ERFL: variants seen among roughly 807,000 people sequenced by gnomAD.
ERFL encodes the protein ETS repressor factor like, also known as ETS domain-containing transcription factor ERF-like.
In ERFL, 8 loss-of-function variants were observed where a neutral mutation model predicts 27.9. The observed-to-expected ratio is 0.29, with a 90% CI of 0.17 to 0.52. The LOEUF (loss-of-function observed/expected upper bound fraction) is 0.52, where lower values mean the gene tolerates loss of function less well. Among genes scored for constraint, ERFL ranks in the 20% least tolerant of loss-of-function variants. ERFL has a pLI of 0.97. For missense variants in ERFL, 294 were observed against 444.4 expected (o/e 0.66, Z 3.04); for synonymous variants, 174 against 202.8 (o/e 0.86, Z 1.21).
chr19:41,912,048 G>A (rs1555851308), intron 2 of ERFL, among the ~76,000 whole-genome samples: 2 of 151,996 alleles, frequency 1.3e-5, no homozygotes, highest in South Asian at 2.1e-4. Flanking sequence ...GCAAGAAACA[G>A]GCAAAGGCTC....
intron 1 of ERFL, among the ~76,000 whole-genome samples, chr19:41,919,109 A>T (rs2074822196): frequency 6.6e-6 from 1 of 151,576 alleles, no homozygotes; most frequent in African/African-American, 2.4e-5. Context: ...CACATAACAC[A>T]CATACCACAC....
At chr19:41,919,712 G>A (rs1275148737) in intron 1 of ERFL, among the ~76,000 whole-genome samples, 1 of 152,040 alleles carries the variant, frequency 6.6e-6, no homozygotes, top group Non-Finnish European at 1.5e-5. Context: ...CAGCTGCCGG[G>A]GTCCTCTCAG....
intron 1 of ERFL, among the ~76,000 whole-genome samples, chr19:41,915,937 C>G (rs373523676): frequency 6.6e-6 from 1 of 152,082 alleles, no homozygotes; most frequent in South Asian, 2.1e-4. Flanking sequence ...CCCCCACCCC[C>G]CTCCCCCCCG....
In ERFL at chr19:41,908,543, A is replaced by T; in HGVS notation, c.750T>A (p.His250Gln). The T allele has an allele frequency of 1.6e-6, 2 of 1,231,646 alleles. No individual in the cohort carries two copies. The highest frequency in any genetic ancestry group is 8.2e-5 in the South Asian group (2 of 24,314). 76.3% of individuals were successfully genotyped at this position (1,231,646 alleles called of 1,614,324 possible). A position where few individuals can be genotyped will look rare whatever the true frequency, so the allele number is the denominator to read the frequency against. The change falls in exon 6 of 6, where the codon CAT (histidine) becomes CAA (glutamine). Residue 250 changes from histidine (H) to glutamine (Q), a missense_variant. Around this residue, in one of 3 missense-constraint regions of ERFL, gnomAD observed 246 missense variants for 371.4 expected, o/e 0.66. Coordinates refer to ENST00000597630, the MANE Select transcript of ERFL (RefSeq NM_001365103.2). This position sits in a 1 kb window ranked among gnomAD's most constrained non-coding sequence, Gnocchi z 6.7. Reference sequence around the variant, plus strand: ...AACTGGCCAGAGGGTTGGGGTAGAAATGCGGGGGGTAGAGAGAGGGAGGCA... The same window carrying T: ...AACTGGCCAGAGGGTTGGGGTAGAATTGCGGGGGGTAGAGAGAGGGAGGCA... Reference protein sequence around the residue: ...PKLPPSLYPPHFYPNPLASSL... With the variant: ...PKLPPSLYPPQFYPNPLASSL...
intron 1 of ERFL, among the ~76,000 whole-genome samples, chr19:41,927,388 G>A (rs2074877929): frequency 6.6e-6 from 1 of 152,174 alleles, no homozygotes; most frequent in South Asian, 2.1e-4. Context: ...CAAATATCCA[G>A]ACCCCAGATA....
At chr19:41,914,629 G>GTCTCCGTCTCTCCCTCCCTTTCCACCA (rs2074779837) in intron 1 of ERFL, among the ~76,000 whole-genome samples, 1 of 21,606 alleles carries the variant, frequency 4.6e-5, no homozygotes, top group Non-Finnish European at 7.3e-5. Context: ...CACCATCTCT[G>GTCTCCGTCTCTCCCTCCCTTTCCACCA]TCTCTGTCTC....
At position 41,909,338 on chromosome 19, in the gene ERFL, A is replaced by G; in HGVS notation, c.436T>C (p.Leu146=). 1 of 1,235,668 alleles carries G rather than the reference A, an allele frequency of 8.1e-7. No homozygotes were observed. Among genetic ancestry groups the G allele is most frequent in the Non-Finnish European group, 1.0e-6 (1 of 989,418 alleles). The allele number at this position is 1,235,668 out of a possible 1,614,324, so 76.5% of individuals were successfully genotyped here. A position where few individuals can be genotyped will look rare whatever the true frequency, so the allele number is the denominator to read the frequency against. ...MAAAATGSPL[L]LTPSPFGGAP... is the part of the protein sequence containing the mutation. Reference sequence around the variant, plus strand: ...CCCCCAAAGGGACTGGGGGTCAGCAAGAGTGGGGAGCCAGTGGCAGCTGCC... The same window carrying G: ...CCCCCAAAGGGACTGGGGGTCAGCAGGAGTGGGGAGCCAGTGGCAGCTGCC... Residue 146 remains leucine, a synonymous_variant, in exon 4 of 6, where the codon TTG becomes CTG. Coordinates refer to ENST00000597630, the MANE Select transcript of ERFL (RefSeq NM_001365103.2). The surrounding 1 kb of genome is among the most constrained non-coding windows in gnomAD (Gnocchi z 5.2).
rs1442052091 is a variant in ERFL, at chr19:41,908,133, C to T, written c.*95G>A. Reference sequence around the variant, plus strand: ...GCAATGTGCCCAGACCTGGGAGGTGCTGAGGGCTGGTCCTGGGCCTTGGGC... The same window carrying T: ...GCAATGTGCCCAGACCTGGGAGGTGTTGAGGGCTGGTCCTGGGCCTTGGGC... On this transcript the variant is annotated 3_prime_UTR_variant, in exon 6 of 6. Coordinates refer to ENST00000597630, the MANE Select transcript of ERFL (RefSeq NM_001365103.2). The surrounding 1 kb of genome is among the most constrained non-coding windows in gnomAD (Gnocchi z 6.7). 4.9e-6 allele frequency: 5 copies of T among 1,026,112 alleles called. No individual in the cohort carries two copies. The highest frequency in any genetic ancestry group is 6.2e-6 in the Non-Finnish European group (5 of 800,030). 63.6% of individuals were successfully genotyped at this position (1,026,112 alleles called of 1,614,324 possible).
intron 2 of ERFL, among the ~76,000 whole-genome samples, chr19:41,911,029 T>A (rs1360916784): frequency 6.6e-6 from 1 of 152,116 alleles, no homozygotes; most frequent in African/African-American, 2.4e-5. Flanking sequence ...CACTGTACGA[T>A]GGAGACGGTG....
At chr19:41,914,675 CTT>C (rs2074781964) in intron 1 of ERFL, among the ~76,000 whole-genome samples, 1 of 15,872 alleles carries the variant, frequency 6.3e-5, no homozygotes. Context: ...TCTCCCTCCC[CTT>C]CCACCATCTC....
intron 1 of ERFL, among the ~76,000 whole-genome samples, chr19:41,915,242 G>GCCCT (rs2074793670): frequency 6.7e-6 from 1 of 149,004 alleles, no homozygotes; most frequent in Non-Finnish European, 1.5e-5. Context: ...AGGAGCCGTG[G>GCCCT]GATCGGCGCT....
At position 41,908,232 on chromosome 19, in the gene ERFL, C is replaced by T. The variant is rs1476843870; in HGVS notation, c.1061G>A (p.Ser354Asn). 3.2e-6 allele frequency: 4 copies of T among 1,231,662 alleles called. No individual in the cohort carries two copies. The highest frequency in any genetic ancestry group is 3.1e-5 in the African/African-American group (2 of 64,406). The allele number at this position is 1,231,662 out of a possible 1,614,324, so 76.3% of individuals were successfully genotyped here. Residue 354 changes from serine to asparagine, a missense_variant, in exon 6 of 6, where the codon AGC (serine) becomes AAC (asparagine). Around this residue, in one of 3 missense-constraint regions of ERFL, gnomAD observed 246 missense variants for 371.4 expected, o/e 0.66. Coordinates refer to ENST00000597630, the MANE Select transcript of ERFL (RefSeq NM_001365103.2). This position sits in a 1 kb window ranked among gnomAD's most constrained non-coding sequence, Gnocchi z 6.7. The part of the protein sequence containing the change: ...KAKAGKGGTG[S>N] ...AATCCATTGCCCCCTGCCGGCTCAGCTGCCGGTCCCCCCTTTGCCCGCCTT... is the reference window on the plus strand; with the variant it reads ...AATCCATTGCCCCCTGCCGGCTCAGTTGCCGGTCCCCCCTTTGCCCGCCTT...
At chr19:41,926,567 CG>C (rs1458208576) in intron 1 of ERFL, among the ~76,000 whole-genome samples, 2 of 152,132 alleles carry the variant, frequency 1.3e-5, no homozygotes, top group Non-Finnish European at 2.9e-5. Context: ...TTCTGGCTCT[CG>C]GGTCCCTCCC....
chr19:41,913,564 C>A (rs1243914248), intron 1 of ERFL, among the ~76,000 whole-genome samples: 1 of 151,590 alleles, frequency 6.6e-6, no homozygotes, highest in Non-Finnish European at 1.5e-5. Context: ...CACAGGGCAG[C>A]CCCCAGCGCC....
intron 1 of ERFL, among the ~76,000 whole-genome samples, chr19:41,920,505 C>G (rs1459756036): frequency 6.6e-6 from 1 of 150,922 alleles, no homozygotes; most frequent in Non-Finnish European, 1.5e-5. Context: ...ATGACGCACT[C>G]AGACATGACA....
rs1251596488 is a variant in ERFL at position 41,921,964 on chromosome 19, C to T, written c.-14+6076G>A. The stretch of plus-strand genomic sequence containing the variant: ...CTCTCCTCCTGGTCCTCATCCCCAA[C>T]TCCCACCCCTTCCCCACCCTTGCCT... On this transcript the variant is annotated intron_variant, in intron 1 of 5. Coordinates refer to ENST00000597630, the MANE Select transcript of ERFL (RefSeq NM_001365103.2). The surrounding 1 kb of genome is among the most constrained non-coding windows in gnomAD (Gnocchi z 4.4). Among the ~76,000 whole-genome samples the T allele has an allele frequency of 6.8e-6, 1 of 146,786 alleles. No individual in the cohort carries two copies. The highest frequency in any genetic ancestry group is 1.5e-5 in the Non-Finnish European group (1 of 66,770).
chr19:41,914,116 T>G (rs1375660730), intron 1 of ERFL, among the ~76,000 whole-genome samples: 3 of 118,862 alleles, frequency 2.5e-5, no homozygotes, highest in Non-Finnish European at 5.0e-5. Flanking sequence ...AGACACCCCA[T>G]GTCCCCTCAG....
intron 1 of ERFL, among the ~76,000 whole-genome samples, chr19:41,927,052 T>C (rs1054954324): frequency 2.6e-5 from 4 of 151,390 alleles, no homozygotes; most frequent in African/African-American, 9.7e-5. Context: ...TAGAGAGAGA[T>C]AGTCTTAAGA....
rs1270498410 is a variant in ERFL at position 41,928,190 on chromosome 19, C to T, written c.-164G>A. ...CCCGGAGCCCCGGGGAGGCAGAGACCCAGAGGACGAGGAGAGGGAGTCTCT... is the reference window on the plus strand; with the variant it reads ...CCCGGAGCCCCGGGGAGGCAGAGACTCAGAGGACGAGGAGAGGGAGTCTCT... On this transcript the variant is annotated 5_prime_UTR_variant, in exon 1 of 6. Transcript: ENST00000597630. 6.6e-6 allele frequency: 1 copy of T among 151,812 alleles called. No homozygotes were observed. The highest frequency in any genetic ancestry group is 1.5e-5 in the Non-Finnish European group (1 of 67,996). 9.4% of individuals were successfully genotyped at this position (151,812 alleles called of 1,614,324 possible). A position where few individuals can be genotyped will look rare whatever the true frequency, so the allele number is the denominator to read the frequency against.
Sources: gnomAD v4.1 joint callset for allele counts (sites outside exome capture counted in the v4.1 genomes callset) on GRCh38, gnomAD v4.1.1 for gene constraint, gnomAD v4.1.1 regional missense constraint, Gnocchi (gnomAD v3.1) non-coding constraint, MANE v1.5 for transcripts, NCBI Gene and HGNC (gene_info 2026-07-23, HGNC 2026-07-21) for gene names.